Variants in PKHD1 observed in about 807,000 individuals in gnomAD.
The protein encoded by PKHD1 is fibrocystin.
PKHD1 carries 291 observed loss-of-function variants against 412.0 expected under a neutral mutation model. The ratio of observed to expected loss-of-function variants is 0.71; its 90% CI spans 0.64 to 0.78. PKHD1 has a LOEUF of 0.78. Among genes scored for constraint, PKHD1 ranks in the 30% least tolerant of loss-of-function variants. The pLI is 0.00. For synonymous variants in PKHD1, 1,777 were observed against 1,821.5 expected, an observed-to-expected ratio of 0.98 and a Z score of 0.62; for missense variants, 4,825 against 4,950.7, an observed-to-expected ratio of 0.97 and a Z score of 0.76.
At chr6:51,690,815 G>A (rs530020158) in intron 60 of PKHD1, among the ~76,000 whole-genome samples, 3 of 152,248 alleles carry the variant, frequency 2.0e-5, no homozygotes, top group Admixed American at 2.0e-4. Flanking sequence ...ATTGACAAAT[G>A]GGGTATAATT....
chr6:51,745,706 A>C (rs948441993), intron 59 of PKHD1, among the ~76,000 whole-genome samples: 6 of 152,182 alleles, frequency 3.9e-5, no homozygotes, highest in Non-Finnish European at 8.8e-5. Flanking sequence ...CCCATCTCCA[A>C]AAATAAAATA....
intron 52 of PKHD1, among the ~76,000 whole-genome samples, chr6:51,797,544 C>T (rs544595085): frequency 3.3e-5 from 5 of 152,264 alleles, no homozygotes; most frequent in Admixed American, 3.3e-4. Context: ...AACCCTTTAC[C>T]ATTATGTAAT....
At position 51,668,056 on chromosome 6, in the gene PKHD1, A is replaced by T. The variant is rs1311383199; in HGVS notation, c.10157-8087T>A. Among the ~76,000 whole-genome samples, 4 of 152,036 alleles carry T rather than the reference A, an allele frequency of 2.6e-5. No homozygotes were observed. In the East Asian group the frequency reaches 5.8e-4, roughly 22 times the overall value. On this transcript the variant is annotated intron_variant, in intron 60 of 66. Coordinates refer to ENST00000371117, the MANE Select transcript of PKHD1 (RefSeq NM_138694.4). ...TCTTTTTTGGTTCCATATGAACTTT[A>T]AAGTAGTTTTTTCCAATTCTGTGAA...
intron 35 of PKHD1, among the ~76,000 whole-genome samples, chr6:52,001,666 CG>C (rs1392529464): frequency 6.6e-6 from 1 of 151,988 alleles, no homozygotes; most frequent in Non-Finnish European, 1.5e-5. Flanking sequence ...CTCCTGACCT[CG>C]TGATCTGCCC....
intron 61 of PKHD1, among the ~76,000 whole-genome samples, chr6:51,652,258 T>G (rs1237299056): frequency 6.6e-6 from 1 of 152,078 alleles, no homozygotes; most frequent in East Asian, 1.9e-4. Flanking sequence ...ATTTCCCAAT[T>G]AAGAGATCAC....
chr6:51,704,848 G>C (rs557757052), intron 60 of PKHD1, among the ~76,000 whole-genome samples: 1 of 152,122 alleles, frequency 6.6e-6, no homozygotes, highest in East Asian at 1.9e-4. Context: ...TGAAGGCCTG[G>C]GCTTTGATAA....
chr6:51,888,296 G>C (rs1451182994), intron 43 of PKHD1, among the ~76,000 whole-genome samples: 1 of 151,908 alleles, frequency 6.6e-6, no homozygotes, highest in Non-Finnish European at 1.5e-5. Context: ...TCTCTCTCTT[G>C]GACCATATGA....
chr6:51,814,089 T>A lies in PKHD1; in HGVS notation c.8302+16772A>T, dbSNP rs907762926. Among the ~76,000 whole-genome samples, 13 of 152,330 alleles carry A rather than the reference T, an allele frequency of 8.5e-5. No homozygotes were observed. The East Asian group carries it at 2.5e-3, about 29-fold the overall frequency. On this transcript the variant is annotated intron_variant, in intron 52 of 66. Transcript: ENST00000371117. Reference sequence around the variant, plus strand: ...AAAGCCCCCTTTAGCAGTTTAAAAATCCTTTAACCATTTCCTTCCTGTTCC... The same window carrying A: ...AAAGCCCCCTTTAGCAGTTTAAAAAACCTTTAACCATTTCCTTCCTGTTCC...
chr6:51,682,263 A>G (rs1177846431), intron 60 of PKHD1: 1 of 453,806 alleles, frequency 2.2e-6, no homozygotes, highest in Non-Finnish European at 4.4e-6. Flanking sequence ...AAACAGAAAC[A>G]TAACACAATT....
intron 46 of PKHD1, 62 bp from the exon 47 acceptor site, chr6:51,870,701 T>C: frequency 3.1e-6 from 4 of 1,270,364 alleles, no homozygotes; most frequent in Non-Finnish European, 4.6e-6. Flanking sequence ...TGAAATACAA[T>C]TCATAATGCA....
chr6:51,655,598 T>C (rs1371406900), intron 61 of PKHD1, among the ~76,000 whole-genome samples: 6 of 152,122 alleles, frequency 3.9e-5, no homozygotes, highest in Non-Finnish European at 5.9e-5. Flanking sequence ...CCATATTACT[T>C]TCTATTGCTG....
At chr6:51,885,262 G>A (rs948542396) in intron 45 of PKHD1, among the ~76,000 whole-genome samples, 1 of 152,112 alleles carries the variant, frequency 6.6e-6, no homozygotes, top group African/African-American at 2.4e-5. Context: ...AAGAGTAAAT[G>A]ATTGAACATG....
intron 60 of PKHD1, among the ~76,000 whole-genome samples, chr6:51,664,817 C>T (rs76204739): frequency 0.018 from 2,747 of 152,044 alleles, 96 homozygotes; most frequent in African/African-American, 0.063. Context: ...TGTTTTAAAC[C>T]TCTGTGTATG....
rs574194898 is a variant in PKHD1 at position 52,045,212 on chromosome 6, G to A, written c.2593-124C>T. 36 of 894,234 alleles carry A rather than the reference G, an allele frequency of 4.0e-5. No homozygotes were observed. The Admixed American group carries it at 5.6e-4, about 14-fold the overall frequency. 55.4% of individuals were successfully genotyped at this position (894,234 alleles called of 1,614,324 possible). A position where few individuals can be genotyped will look rare whatever the true frequency, so the allele number is the denominator to read the frequency against. On this transcript the variant is annotated intron_variant, in intron 24 of 66. Coordinates refer to ENST00000371117, the MANE Select transcript of PKHD1 (RefSeq NM_138694.4). ...ATCAGACAGCTAGAAAGTGAAAGCA[G>A]AGTAACAGAGAATTGAAATATAGAA...
chr6:51,642,858 G>T (rs1454841092), intron 63 of PKHD1, among the ~76,000 whole-genome samples: 1 of 151,968 alleles, frequency 6.6e-6, no homozygotes, highest in Non-Finnish European at 1.5e-5. Flanking sequence ...GTAAGGTATG[G>T]ACTATACATA....
intron 37 of PKHD1, among the ~76,000 whole-genome samples, chr6:51,930,744 G>T (rs1198135008): frequency 6.6e-6 from 1 of 152,222 alleles, no homozygotes; most frequent in Non-Finnish European, 1.5e-5. Flanking sequence ...GCAGTGCCCT[G>T]CTTCAGACTA....
At chr6:51,740,400 C>T (rs545929189) in intron 60 of PKHD1, among the ~76,000 whole-genome samples, 1 of 152,116 alleles carries the variant, frequency 6.6e-6, no homozygotes, top group South Asian at 2.1e-4. Context: ...TGTTATTTTC[C>T]AAATTAAAAA....
chr6:51,659,313 C>T lies in PKHD1; in HGVS notation c.10813G>A (p.Glu3605Lys). Residue 3605 changes from glutamate (E) to lysine (K), a missense_variant, in exon 61 of 67, where the codon GAA becomes AAA. Glu to Lys is a moderately conservative substitution (Grantham distance 56). Transcript: ENST00000371117. ...IRFIHEMPGH[E>K]ETLKAIADSR... The stretch of plus-strand genomic sequence containing the variant: ...TCAGCAATGGCCTTTAAGGTCTCTT[C>T]ATGGCCAGGCATCTCGTGAATAAAC... 6.2e-7 allele frequency: 1 copy of T among 1,613,850 alleles called. No individual in the cohort carries two copies. Among genetic ancestry groups the T allele is most frequent in the Non-Finnish European group, 8.5e-7 (1 of 1,179,858 alleles).
chr6:51,772,737 T>C lies in PKHD1; in HGVS notation c.8607A>G (p.Thr2869=). The change falls in exon 55 of 67, where the codon ACA becomes ACG. Residue 2869 remains threonine, a synonymous_variant. Transcript: ENST00000371117. ...LYSAYPKNSW[T]HLGADIASGN... is the part of the protein sequence containing the mutation. Reference sequence around the variant, plus strand: ...CTGAGGCAATATCAGCTCCAAGATGTGTCCAGGAGTTCTTAGGATAAGCAC... The same window carrying C: ...CTGAGGCAATATCAGCTCCAAGATGCGTCCAGGAGTTCTTAGGATAAGCAC... The C allele has an allele frequency of 6.3e-7, 1 of 1,598,206 alleles. No individual in the cohort carries two copies. The highest frequency in any genetic ancestry group is 8.6e-7 in the Non-Finnish European group (1 of 1,166,320).
Sources: allele counts gnomAD v4.1 joint callset (sites outside exome capture counted in the v4.1 genomes callset), GRCh38; gene constraint gnomAD v4.1.1; transcripts MANE v1.5; gene names NCBI Gene and HGNC (gene_info 2026-07-23, HGNC 2026-07-21).